SAMMSON: variants seen among roughly 807,000 people sequenced by gnomAD.
SAMMSON encodes the protein long intergenic non-protein coding RNA 1212.
chr3:70,147,315 T>G (rs2106684864), intron 4 of SAMMSON, among the ~76,000 whole-genome samples: 1 of 152,152 alleles, frequency 6.6e-6, no homozygotes, highest in African/African-American at 2.4e-5. Flanking sequence ...ATAGAATGTC[T>G]GGTTCTAAAA....
chr3:70,179,763 G>A (rs1467858750), intron 4 of SAMMSON, among the ~76,000 whole-genome samples: 1 of 151,968 alleles, frequency 6.6e-6, no homozygotes, highest in African/African-American at 2.4e-5. Flanking sequence ...AATATCCTCT[G>A]TTCTATATCT....
chr3:70,185,693 G>A (rs750582091), intron 4 of SAMMSON, among the ~76,000 whole-genome samples: 4 of 151,756 alleles, frequency 2.6e-5, no homozygotes, highest in Non-Finnish European at 5.9e-5. Context: ...CTCTTCCATG[G>A]GTCATTCAAA....
intron 4 of SAMMSON, among the ~76,000 whole-genome samples, chr3:70,174,749 C>A (rs1429854912): frequency 1.7e-5 from 2 of 120,166 alleles, no homozygotes; most frequent in Non-Finnish European, 3.8e-5. Flanking sequence ...TTAGGGTCAA[C>A]AAGGTCTAAG....
intron 3 of SAMMSON, among the ~76,000 whole-genome samples, chr3:70,055,669 CT>C (rs1207073025): frequency 6.6e-6 from 1 of 152,070 alleles, no homozygotes; most frequent in Non-Finnish European, 1.5e-5. Flanking sequence ...CCCATTGTGT[CT>C]TTTCTAAGGC....
At chr3:70,046,597 C>G (rs541546282) in intron 3 of SAMMSON, among the ~76,000 whole-genome samples, 1 of 152,144 alleles carries the variant, frequency 6.6e-6, no homozygotes, top group African/African-American at 2.4e-5. Flanking sequence ...TACTTGGAAG[C>G]CTGGGAATCC....
intron 6 of SAMMSON, among the ~76,000 whole-genome samples, chr3:70,251,912 C>T (rs1701772857): frequency 6.6e-6 from 1 of 152,190 alleles, no homozygotes; most frequent in Admixed American, 6.5e-5. Context: ...TGTCTTGTTA[C>T]ACTGTAATTA....
intron 3 of SAMMSON, among the ~76,000 whole-genome samples, chr3:70,023,275 C>T (rs1006320130): frequency 8.6e-5 from 13 of 151,520 alleles, no homozygotes; most frequent in Admixed American, 2.0e-4. Context: ...GCTAACAAAG[C>T]GAAACCCCGT....
At chr3:70,417,079 C>G (rs1195851047) in intron 2 of SAMMSON, among the ~76,000 whole-genome samples, 7 of 152,080 alleles carry the variant, frequency 4.6e-5, no homozygotes, top group Admixed American at 3.3e-4. Context: ...ACGCAATGTT[C>G]CAGGTGGAAC....
chr3:70,283,591 T>C (rs1702110700), intron 6 of SAMMSON: 1 of 152,052 alleles, frequency 6.6e-6, no homozygotes, highest in Non-Finnish European at 1.5e-5. Flanking sequence ...ATGAGCTTGG[T>C]TGTGTCCACC....
intron 4 of SAMMSON, among the ~76,000 whole-genome samples, chr3:70,129,303 A>G (rs568837395): frequency 2.0e-5 from 3 of 152,328 alleles, no homozygotes; most frequent in East Asian, 3.9e-4. Context: ...GCTTTTTGAC[A>G]TATATCATTT....
chr3:70,402,017 G>T (rs981619337), intron 2 of SAMMSON, among the ~76,000 whole-genome samples: 1 of 152,044 alleles, frequency 6.6e-6, no homozygotes, highest in Non-Finnish European at 1.5e-5. Flanking sequence ...TGTTTTTCCA[G>T]GTTACTTAAA....
chr3:70,131,274 T>C (rs1168233663), intron 4 of SAMMSON, among the ~76,000 whole-genome samples: 3 of 152,220 alleles, frequency 2.0e-5, no homozygotes, highest in Admixed American at 2.0e-4. Context: ...AAAAGCAGGA[T>C]GCTTTTGAAA....
chr3:70,322,608 A>T (rs1007983819), intron 7 of SAMMSON, among the ~76,000 whole-genome samples: 1 of 152,184 alleles, frequency 6.6e-6, no homozygotes, highest in Admixed American at 6.6e-5. Context: ...TCAGTCTTAA[A>T]GCAGGATATT....
intron 2 of SAMMSON, among the ~76,000 whole-genome samples, chr3:70,426,301 T>C (rs1345268419): frequency 6.6e-6 from 1 of 152,176 alleles, no homozygotes; most frequent in Non-Finnish European, 1.5e-5. Context: ...CCAGATTCCT[T>C]AAACTCAACA....
intron 4 of SAMMSON, among the ~76,000 whole-genome samples, chr3:70,163,346 T>TAC (rs1419852566): frequency 1.4e-5 from 2 of 147,452 alleles, no homozygotes; most frequent in Non-Finnish European, 3.0e-5. Flanking sequence ...ATATAGAATA[T>TAC]ATATATATAG....
intron 4 of SAMMSON, among the ~76,000 whole-genome samples, chr3:70,174,520 T>C (rs13097442): frequency 0.54 from 82,179 of 151,772 alleles, 23,482 homozygotes; most frequent in Non-Finnish European, 0.62. Flanking sequence ...GAAGTGGTTG[T>C]AGATATTTAG....
chr3:70,048,722 A>G (rs2067135873), intron 3 of SAMMSON, among the ~76,000 whole-genome samples: 1 of 152,112 alleles, frequency 6.6e-6, no homozygotes, highest in South Asian at 2.1e-4. Flanking sequence ...TATGTGTCAG[A>G]CACTATTCTA....
intron 4 of SAMMSON, among the ~76,000 whole-genome samples, chr3:70,169,335 T>A (rs988820338): frequency 3.3e-5 from 5 of 152,004 alleles, no homozygotes; most frequent in Non-Finnish European, 7.4e-5. Flanking sequence ...TTTCAGGATA[T>A]CAAAAAAGCA....
chr3:70,398,934 A>AG (rs1213394894), intron 2 of SAMMSON, among the ~76,000 whole-genome samples: 14 of 152,244 alleles, frequency 9.2e-5, no homozygotes, highest in Non-Finnish European at 2.1e-4. Context: ...GACTGAAAAA[A>AG]TGGACTTGGG....
Sources: gnomAD v4.1 joint callset for allele counts (sites outside exome capture counted in the v4.1 genomes callset) on GRCh38, gnomAD v4.1.1 for gene constraint, MANE v1.5 for transcripts, NCBI Gene and HGNC (gene_info 2026-07-23, HGNC 2026-07-21) for gene names.